The following UBE2E2 variants were observed in gnomAD, a reference collection of about 807,000 sequenced individuals.
The protein encoded by UBE2E2 is ubiquitin conjugating enzyme E2 E2.
UBE2E2 carries 6 observed loss-of-function variants against 24.7 expected under a neutral mutation model. The ratio of observed to expected loss-of-function variants is 0.24; its 90% CI spans 0.13 to 0.48. The LOEUF (loss-of-function observed/expected upper bound fraction) is 0.48. Ranked by LOEUF, UBE2E2 falls within the 20% of genes least tolerant of loss-of-function variation. The pLI is 0.99. For synonymous variants in UBE2E2, 104 were observed against 83.6 expected (o/e 1.24, Z -1.33); for missense variants, 169 against 245.0 (o/e 0.69, Z 2.07).
intron 3 of UBE2E2, among the ~76,000 whole-genome samples, chr3:23,312,061 C>T (rs1375717932): frequency 6.6e-6 from 1 of 152,056 alleles, no homozygotes; most frequent in Non-Finnish European, 1.5e-5. Flanking sequence ...CTTGCCAGAT[C>T]TGGTTGTTTA....
At chr3:23,422,651 G>GGT (rs1697830069) in intron 3 of UBE2E2, among the ~76,000 whole-genome samples, 1 of 152,192 alleles carries the variant, frequency 6.6e-6, no homozygotes, top group Non-Finnish European at 1.5e-5. Context: ...TGGGTTATCA[G>GGT]GTGGAAGACA....
chr3:23,269,016 C>G (rs1305052104), intron 3 of UBE2E2, among the ~76,000 whole-genome samples: 2 of 151,810 alleles, frequency 1.3e-5, no homozygotes, highest in Non-Finnish European at 2.9e-5. Context: ...AAAGCTGAAA[C>G]TGGATCCCTT....
chr3:23,398,371 C>T (rs965108013), intron 3 of UBE2E2, among the ~76,000 whole-genome samples: 3 of 148,580 alleles, frequency 2.0e-5, no homozygotes, highest in Non-Finnish European at 4.4e-5. Context: ...TTGGATTTTT[C>T]CAAAGTAATC....
chr3:23,315,803 G>A (rs915571445), intron 3 of UBE2E2, among the ~76,000 whole-genome samples: 1 of 152,012 alleles, frequency 6.6e-6, no homozygotes, highest in African/African-American at 2.4e-5. Context: ...ATCTAAGTTT[G>A]TAGTCCCTGC....
chr3:23,272,795 C>G (rs1698280347), intron 3 of UBE2E2, among the ~76,000 whole-genome samples: 1 of 152,036 alleles, frequency 6.6e-6, no homozygotes, highest in Non-Finnish European at 1.5e-5. Context: ...AGTTTCTGTC[C>G]AAGTCCAGAG....
chr3:23,551,042 T>C (rs1402478823), intron 5 of UBE2E2, among the ~76,000 whole-genome samples: 1 of 152,130 alleles, frequency 6.6e-6, no homozygotes, highest in Non-Finnish European at 1.5e-5. Context: ...TTTGAAAGTA[T>C]CATACTGTTC....
At chr3:23,298,986 G>A (rs1018057372) in intron 3 of UBE2E2, among the ~76,000 whole-genome samples, 12 of 152,176 alleles carry the variant, frequency 7.9e-5, no homozygotes, top group African/African-American at 2.9e-4. Flanking sequence ...GGTCTACTCA[G>A]AGATTCAACT....
chr3:23,380,729 G>A (rs1696647866), intron 3 of UBE2E2, among the ~76,000 whole-genome samples: 1 of 152,134 alleles, frequency 6.6e-6, no homozygotes, highest in Non-Finnish European at 1.5e-5. Flanking sequence ...CTGGCTGGAG[G>A]GGTTCTAAGT....
chr3:23,358,750 T>A (rs1465297509), intron 3 of UBE2E2, among the ~76,000 whole-genome samples: 3 of 152,242 alleles, frequency 2.0e-5, no homozygotes, highest in Non-Finnish European at 2.9e-5. Context: ...TATTTCTTGC[T>A]ATGGAAAGCA....
At chr3:23,566,515 T>A (rs1696076927) in intron 5 of UBE2E2, among the ~76,000 whole-genome samples, 1 of 152,182 alleles carries the variant, frequency 6.6e-6, no homozygotes, top group South Asian at 2.1e-4. Context: ...AAGAAAAAGT[T>A]TTATTTGGCT....
At chr3:23,373,089 G>A (rs968207631) in intron 3 of UBE2E2, among the ~76,000 whole-genome samples, 9 of 152,068 alleles carry the variant, frequency 5.9e-5, no homozygotes, top group African/African-American at 2.2e-4. Flanking sequence ...AATTAAAGAG[G>A]GGCCTCTAAA....
rs1183651803 is a variant in UBE2E2 at position 23,589,905 on chromosome 3, C to T, written c.*74C>T. On this transcript the variant is annotated 3_prime_UTR_variant, in exon 6 of 6. Coordinates refer to ENST00000396703, the MANE Select transcript of UBE2E2 (RefSeq NM_152653.4). This position sits in a 1 kb window ranked among gnomAD's most constrained non-coding sequence, Gnocchi z 4.1. ...AGTGCATCGGTAGCCCTGCCCACCC[C>T]TCCAGACCTCGGTTCTTATTTTCCT... The T allele has an allele frequency of 1.4e-6, 2 of 1,393,912 alleles. No individual in the cohort carries two copies. Among genetic ancestry groups the T allele is most frequent in the East Asian group, 2.3e-5 (1 of 43,230 alleles). The allele number at this position is 1,393,912 out of a possible 1,614,324, so 86.3% of individuals were successfully genotyped here. A position where few individuals can be genotyped will look rare whatever the true frequency, so the allele number is the denominator to read the frequency against.
At chr3:23,310,552 G>C (rs1264153130) in intron 3 of UBE2E2, among the ~76,000 whole-genome samples, 3 of 152,114 alleles carry the variant, frequency 2.0e-5, no homozygotes, top group Admixed American at 6.6e-5. Flanking sequence ...AGATTCTTTG[G>C]ACAAGGCAGA....
intron 3 of UBE2E2, among the ~76,000 whole-genome samples, chr3:23,487,122 G>A (rs958459321): frequency 1.5e-4 from 23 of 152,230 alleles, no homozygotes; most frequent in Admixed American, 4.6e-4. Flanking sequence ...CTTCAGAGGC[G>A]GCCAAGGTGG....
intron 5 of UBE2E2, among the ~76,000 whole-genome samples, chr3:23,579,340 G>A (rs1293233298): frequency 2.7e-5 from 4 of 150,216 alleles, no homozygotes; most frequent in African/African-American, 4.9e-5. Context: ...AGCCAAGATC[G>A]TGCCACTACA....
At chr3:23,260,537 T>G (rs568821747) in intron 3 of UBE2E2, among the ~76,000 whole-genome samples, 2 of 152,300 alleles carry the variant, frequency 1.3e-5, no homozygotes, top group Admixed American at 6.5e-5. Context: ...ACTTATGGCC[T>G]GTACATGGTT....
chr3:23,227,828 G>A (rs1389303606), intron 3 of UBE2E2, among the ~76,000 whole-genome samples: 1 of 152,188 alleles, frequency 6.6e-6, no homozygotes, highest in Non-Finnish European at 1.5e-5. Context: ...TGGCAGTTCA[G>A]AATTTCAAGA....
intron 3 of UBE2E2, among the ~76,000 whole-genome samples, chr3:23,355,540 A>G (rs1228088958): frequency 6.6e-6 from 1 of 152,170 alleles, no homozygotes; most frequent in African/African-American, 2.4e-5. Context: ...TTTAAATGAC[A>G]CGGTTGATTT....
intron 3 of UBE2E2, among the ~76,000 whole-genome samples, chr3:23,451,235 T>A (rs1049882865): frequency 3.3e-5 from 5 of 152,040 alleles, no homozygotes; most frequent in South Asian, 2.1e-4. Flanking sequence ...AAATAAATAA[T>A]TTTTTTTGAA....
Sources: gnomAD v4.1 joint callset for allele counts (sites outside exome capture counted in the v4.1 genomes callset) on GRCh38, gnomAD v4.1.1 for gene constraint, Gnocchi (gnomAD v3.1) non-coding constraint, MANE v1.5 for transcripts, NCBI Gene and HGNC (gene_info 2026-07-23, HGNC 2026-07-21) for gene names.